The following TJP2 variants were observed in gnomAD, a reference collection of about 807,000 sequenced individuals.
TJP2 encodes Friedreich ataxia region gene X104 (tight junction protein ZO-2).
Under a neutral mutation model 133.1 loss-of-function variants are expected in TJP2, and 91 were observed. The ratio of observed to expected loss-of-function variants is 0.68; its 90% CI spans 0.58 to 0.81. The LOEUF is 0.81. TJP2 is among the 40% of genes least tolerant of loss of function. The pLI, the probability that TJP2 is intolerant of heterozygous loss-of-function variation, is 0.00. For synonymous variants in TJP2, 592 were observed against 583.4 expected, an observed-to-expected ratio of 1.01 and a Z score of -0.21; for missense variants, 1,541 against 1,565.6, an observed-to-expected ratio of 0.98 and a Z score of 0.26.
Position 69,220,057 on chromosome 9 carries a change from C to T in TJP2, c.343-830C>T, listed in dbSNP as rs372352214. On this transcript the variant is annotated intron_variant, in intron 4 of 22. Coordinates refer to ENST00000377245, the MANE Select transcript of TJP2 (RefSeq NM_004817.4). The stretch of plus-strand genomic sequence containing the variant: ...TCCCAGCTATCGGGAGGGTGAGGCA[C>T]GAGAATCGCTTGAACCTGGGAGGCG... Among the ~76,000 whole-genome samples the T allele has an allele frequency of 9.2e-5, 14 of 152,130 alleles. No individual in the cohort carries two copies. In the East Asian group the frequency reaches 2.5e-3, roughly 27 times the overall value.
At position 69,254,916 on chromosome 9, in the gene TJP2, A is replaced by G. The variant is rs1268908652; in HGVS notation, c.*542A>G. On this transcript the variant is annotated 3_prime_UTR_variant, in exon 23 of 23. Transcript: ENST00000377245. ...ACTAAAACATTTTGACTAAGTTTTT[A>G]TACCAGCTTAATAGCTGTAGTTTTC... 1.1e-5 allele frequency: 4 copies of G among 351,392 alleles called. No homozygotes were observed. Among genetic ancestry groups the G allele is most frequent in the African/African-American group, 4.2e-5 (2 of 47,872 alleles). 21.8% of individuals were successfully genotyped at this position (351,392 alleles called of 1,614,324 possible). A position where few individuals can be genotyped will look rare whatever the true frequency, so the allele number is the denominator to read the frequency against.
intron 1 of TJP2, among the ~76,000 whole-genome samples, chr9:69,206,487 TTG>T (rs2133163532): frequency 6.6e-6 from 1 of 152,346 alleles, no homozygotes; most frequent in African/African-American, 2.4e-5. Context: ...CTCGTACCTC[TTG>T]GGTATTAGAT....
chr9:69,181,352 G>A (rs1329460562), intron 1 of TJP2, among the ~76,000 whole-genome samples: 1 of 143,572 alleles, frequency 7.0e-6, no homozygotes, highest in Non-Finnish European at 1.5e-5. Flanking sequence ...AGGTTCAAGC[G>A]ATTCTCCTGC....
intron 1 of TJP2, among the ~76,000 whole-genome samples, chr9:69,122,744 C>T (rs1473793643): frequency 6.6e-6 from 1 of 152,202 alleles, no homozygotes; most frequent in Non-Finnish European, 1.5e-5. Context: ...TCCTTATTGT[C>T]TGTGGCTACT....
intron 1 of TJP2, among the ~76,000 whole-genome samples, chr9:69,135,573 T>C (rs1342448209): frequency 1.3e-5 from 2 of 151,536 alleles, no homozygotes; most frequent in Non-Finnish European, 1.5e-5. Context: ...CCTGAGTGGC[T>C]GGGATTACAG....
chr9:69,200,489 G>A (rs2133118605), intron 1 of TJP2, among the ~76,000 whole-genome samples: 1 of 152,316 alleles, frequency 6.6e-6, no homozygotes, highest in South Asian at 2.1e-4. Context: ...CTGTGCTCAA[G>A]TGATCCTCCT....
chr9:69,130,231 C>T (rs1318385610), intron 1 of TJP2, among the ~76,000 whole-genome samples: 6 of 152,054 alleles, frequency 3.9e-5, no homozygotes, highest in South Asian at 4.2e-4. Context: ...TTTGGAGGCT[C>T]GCTATAACCT....
intron 1 of TJP2, among the ~76,000 whole-genome samples, chr9:69,127,133 G>A (rs1822311181): frequency 1.4e-5 from 1 of 70,356 alleles, no homozygotes. Context: ...GCAGTGGTGC[G>A]ATCTCGGCTC....
rs769217430 is a variant in TJP2, at chr9:69,216,366, G to T, written c.142G>T (p.Val48Leu). The T allele has an allele frequency of 2.5e-6, 4 of 1,613,990 alleles. No individual in the cohort carries two copies. Among genetic ancestry groups the T allele is most frequent in the East Asian group, 4.5e-5 (2 of 44,892 alleles). ...TTCCAAAAGAGGATTTGGAATTGCA[G>T]TGTCCGGAGGCAGAGACAACCCCCA... ...KDSKRGFGIA[V>L]SGGRDNPHFE... The change falls in exon 3 of 23, where the codon GTG becomes TTG. Residue 48 changes from valine to leucine, a missense_variant. By Grantham distance (32) the Val-to-Leu change is conservative. Transcript: ENST00000377245.
intron 1 of TJP2, among the ~76,000 whole-genome samples, chr9:69,203,225 C>T (rs1827128495): frequency 6.6e-6 from 1 of 152,022 alleles, no homozygotes; most frequent in Non-Finnish European, 1.5e-5. Flanking sequence ...GTGTACAGAG[C>T]CTGCACATGT....
intron 1 of TJP2, among the ~76,000 whole-genome samples, chr9:69,146,652 C>CGTTTAGGTCAGTGGTT (rs1216159019): frequency 2.0e-5 from 3 of 152,126 alleles, no homozygotes; most frequent in Non-Finnish European, 4.4e-5. Flanking sequence ...CTACTAGAAT[C>CGTTTAGGTCAGTGGTT]GTTTAGGTCA....
Position 69,212,568 on chromosome 9 carries a change from G to C in TJP2, c.81G>C (p.Leu27=). ...AACAGGCCCCAGGCATGGAAGAGCTGATATGGGAACAGTACACTGTGACCC... is the reference window on the plus strand; with the variant it reads ...AACAGGCCCCAGGCATGGAAGAGCTCATATGGGAACAGTACACTGTGACCC... ...GWLRAPGMEE[L]IWEQYTVTLQ... The change falls in exon 2 of 23, where the codon CTG becomes CTC. Residue 27 remains leucine (L), a synonymous_variant. Transcript: ENST00000377245. 4 of 1,613,470 alleles carry C rather than the reference G, an allele frequency of 2.5e-6. No individual in the cohort carries two copies. The South Asian group carries it at 4.4e-5, about 18-fold the overall frequency.
intron 15 of TJP2, 72 bp downstream of exon 15, chr9:69,238,045 A>G: frequency 9.3e-7 from 1 of 1,070,234 alleles, no homozygotes; most frequent in Non-Finnish European, 1.4e-6. Context: ...AGTTGGAAGA[A>G]TCATGAACAC....
At chr9:69,128,679 C>A (rs958355342) in intron 1 of TJP2, among the ~76,000 whole-genome samples, 2 of 152,138 alleles carry the variant, frequency 1.3e-5, no homozygotes, top group South Asian at 4.2e-4. Flanking sequence ...CCCAACACCA[C>A]GCCCGGCTAA....
chr9:69,166,270 C>T (rs937398524), intron 2 of TJP2, among the ~76,000 whole-genome samples: 14 of 152,042 alleles, frequency 9.2e-5, no homozygotes, highest in African/African-American at 3.4e-4. Context: ...ACCACCAGGC[C>T]TAGCTGTTTT....
In TJP2 at chr9:69,251,028, T is replaced by C; in HGVS notation, c.2992-7T>C. On this transcript the variant is annotated splice_region_variant and splice_polypyrimidine_tract_variant and intron_variant, in intron 20 of 22. Coordinates refer to ENST00000377245, the MANE Select transcript of TJP2 (RefSeq NM_004817.4). The stretch of plus-strand genomic sequence containing the variant: ...CCAGGGTGAAAACGTGTCATTGCTC[T>C]CCGCAGGCCAAAACCCAGAACAAAG... The C allele has an allele frequency of 1.2e-6, 2 of 1,613,970 alleles. No individual in the cohort carries two copies. Among genetic ancestry groups the C allele is most frequent in the Non-Finnish European group, 1.7e-6 (2 of 1,179,902 alleles).
rs1212138846 is a variant in TJP2 at position 69,184,754 on chromosome 9, T to TC, written c.60+10322_60+10323insC. Reference sequence around the variant, plus strand: ...ACTGATTTCTCTCTCTCTCTCTTCTTTTTTTTTTTTTTTTTTGAGACGGGC... The same window carrying TC: ...ACTGATTTCTCTCTCTCTCTCTTCTTCTTTTTTTTTTTTTTTTGAGACGGGC... On this transcript the variant is annotated intron_variant, in intron 1 of 22. Transcript: ENST00000377245. 3.0e-3 allele frequency among the ~76,000 whole-genome samples: 442 copies of TC among 145,824 alleles called. 9 individuals carry two copies. The highest frequency in any genetic ancestry group is 1.4e-3 in the Non-Finnish European group (92 of 65,956).
chr9:69,169,168 A>ACATAT (rs1054314922), intron 2 of TJP2, among the ~76,000 whole-genome samples: 4 of 152,290 alleles, frequency 2.6e-5, no homozygotes, highest in African/African-American at 9.6e-5. Flanking sequence ...CAATGTGTTT[A>ACATAT]CATATCGTTG....
chr9:69,217,325 C>T (rs1411658800), intron 3 of TJP2, among the ~76,000 whole-genome samples: 1 of 152,182 alleles, frequency 6.6e-6, no homozygotes, highest in Non-Finnish European at 1.5e-5. Flanking sequence ...TGCCTGATTC[C>T]CACAGGATAA....
Sources: allele counts gnomAD v4.1 joint callset (sites outside exome capture counted in the v4.1 genomes callset), GRCh38; gene constraint gnomAD v4.1.1; transcripts MANE v1.5; gene names NCBI Gene and HGNC (gene_info 2026-07-23, HGNC 2026-07-21).